CFAP97: variants seen among roughly 807,000 people sequenced by gnomAD.
CFAP97 encodes cilia and flagella associated protein 97, also known as cilia- and flagella-associated protein 97.
CFAP97 carries 36 observed loss-of-function variants against 43.1 expected under a neutral mutation model. The observed-to-expected ratio is 0.84, with a 90% CI of 0.64 to 1.10. The LOEUF (loss-of-function observed/expected upper bound fraction) is 1.10. Ranked by LOEUF, CFAP97 falls within the 50% of genes least tolerant of loss-of-function variation. The probability of loss-of-function intolerance (pLI) is 0.00; values close to 1 mark genes in which losing one functional copy is unlikely to be tolerated. For missense variants in CFAP97, 657 were observed against 620.3 expected (o/e 1.06, Z -0.63); for synonymous variants, 228 against 225.7 (o/e 1.01, Z -0.09).
In CFAP97 at chr4:185,162,706, GGTATTCTAGAT is replaced by G; in HGVS notation, c.*81_*91del. ...GTTGTACACCTTCAATTGCTAAAAC[GGTATTCTAGAT>G]GTTTACACAGAGAATTATAGGAATA... On this transcript the variant is annotated 3_prime_UTR_variant, in exon 5 of 5. Transcript: ENST00000458385. The G allele has an allele frequency of 7.5e-7, 1 of 1,342,108 alleles. No homozygotes were observed. Among genetic ancestry groups the G allele is most frequent in the East Asian group, 2.5e-5 (1 of 40,784 alleles). 83.1% of individuals were successfully genotyped at this position (1,342,108 alleles called of 1,614,324 possible).
chr4:185,206,031 G>C (rs1737174383), upstream of CFAP97, among the ~76,000 whole-genome samples: 1 of 152,196 alleles, frequency 6.6e-6, no homozygotes, highest in African/African-American at 2.4e-5. Flanking sequence ...CAAGAATGTG[G>C]AAAGATCGAA....
upstream of CFAP97, among the ~76,000 whole-genome samples, chr4:185,208,546 G>C (rs542244213): frequency 8.2e-4 from 125 of 151,922 alleles, 1 homozygote; most frequent in African/African-American, 2.9e-3. Context: ...TGGCTAATAT[G>C]GTGAAACCCC....
chr4:185,200,329 C>G (rs559047988), intron 1 of CFAP97, among the ~76,000 whole-genome samples: 1 of 152,260 alleles, frequency 6.6e-6, no homozygotes, highest in South Asian at 2.1e-4. Flanking sequence ...GATCCCGTCT[C>G]TTAAAAGAAA....
upstream of CFAP97, chr4:185,210,165 C>G (rs891291688): frequency 2.0e-6 from 2 of 984,390 alleles, no homozygotes; most frequent in South Asian, 4.7e-5. This position sits in a 1 kb window ranked among gnomAD's most constrained non-coding sequence, Gnocchi z 4.4. Context: ...TGTTTGCCCT[C>G]GTCTGCCGGA....
intron 3 of CFAP97, chr4:185,169,580 A>G (rs2111326358): frequency 1.4e-5 from 14 of 977,332 alleles, no homozygotes; most frequent in African/African-American, 1.7e-5. Flanking sequence ...TTGTCCAAAC[A>G]TTTATTTTAT....
chr4:185,167,628 C>A (rs2111320530), intron 3 of CFAP97, among the ~76,000 whole-genome samples: 1 of 152,224 alleles, frequency 6.6e-6, no homozygotes, highest in East Asian at 1.9e-4. Context: ...AACGAAATAA[C>A]CTCAGAGTCA....
chr4:185,206,236 G>A (rs1009983464), upstream of CFAP97, among the ~76,000 whole-genome samples: 4 of 152,142 alleles, frequency 2.6e-5, no homozygotes, highest in Non-Finnish European at 5.9e-5. Flanking sequence ...GCCAAAAGGC[G>A]GAAAAAACTC....
At chr4:185,199,176 C>A (rs1274712246) in intron 1 of CFAP97, among the ~76,000 whole-genome samples, 1 of 152,066 alleles carries the variant, frequency 6.6e-6, no homozygotes, top group Non-Finnish European at 1.5e-5. Flanking sequence ...AGATGGAGAC[C>A]AGCCTGAGCA....
At chr4:185,197,496 C>T (rs913011586) in intron 1 of CFAP97, among the ~76,000 whole-genome samples, 3 of 151,476 alleles carry the variant, frequency 2.0e-5, no homozygotes, top group African/African-American at 4.9e-5. Context: ...CGCGTGATCT[C>T]GGCTCACCGC....
At chr4:185,166,887 A>C (rs1206395804) in intron 3 of CFAP97, among the ~76,000 whole-genome samples, 1 of 152,248 alleles carries the variant, frequency 6.6e-6, no homozygotes, top group Non-Finnish European at 1.5e-5. Context: ...AACCTTGTCC[A>C]ACCTGTGGCT....
chr4:185,175,885 G>C lies in CFAP97; in HGVS notation c.1221C>G (p.Ser407Arg), dbSNP rs1735502787. ...CAGCCGATCTAGGAATTGTACTTTT[G>C]CTTCCCGGCTTTTCCGCCTGTCTTG... ...ELSRQAEKPG[S>R]KSTIPRSADH... Residue 407 changes from serine (S) to arginine (R), a missense_variant, in exon 3 of 5, where the codon AGC becomes AGG. Ser to Arg is a moderately radical substitution (Grantham distance 110). Transcript: ENST00000458385. 6.2e-7 allele frequency: 1 copy of C among 1,613,868 alleles called. No individual in the cohort carries two copies. Among genetic ancestry groups the C allele is most frequent in the Non-Finnish European group, 8.5e-7 (1 of 1,179,872 alleles).
intron 2 of CFAP97, among the ~76,000 whole-genome samples, chr4:185,176,546 G>T (rs1460495694): frequency 6.6e-6 from 1 of 152,106 alleles, no homozygotes; most frequent in South Asian, 2.1e-4. Context: ...TATGCTCACC[G>T]GGTTCCTTGG....
chr4:185,202,857 C>A (rs1005995060), intron 1 of CFAP97, among the ~76,000 whole-genome samples: 4 of 152,180 alleles, frequency 2.6e-5, no homozygotes, highest in Non-Finnish European at 4.4e-5. Flanking sequence ...AAAATTTACC[C>A]AACAATCCCA....
At position 185,203,033 on chromosome 4, in the gene CFAP97, T is replaced by C. The variant is rs73023805; in HGVS notation, c.-17+865A>G. Among the ~76,000 whole-genome samples, 822 of 152,270 alleles carry C rather than the reference T, an allele frequency of 5.4e-3. 11 individuals are homozygous for C. The highest frequency in any genetic ancestry group is 0.019 in the African/African-American group (770 of 41,560). On this transcript the variant is annotated intron_variant, in intron 1 of 4. Coordinates refer to ENST00000458385, the MANE Select transcript of CFAP97 (RefSeq NM_020827.3). ...TCAGACCATAACAACCCTTTGGTGC[T>C]CAATCAAGACAGAGTTTTGCCAGGA...
chr4:185,172,083 T>C (rs960558503), intron 3 of CFAP97, among the ~76,000 whole-genome samples: 1 of 152,196 alleles, frequency 6.6e-6, no homozygotes, highest in Non-Finnish European at 1.5e-5. Flanking sequence ...ATTACTCCCC[T>C]TTTTACAAGT....
chr4:185,202,868 T>A (rs1015491705), intron 1 of CFAP97, among the ~76,000 whole-genome samples: 1 of 152,200 alleles, frequency 6.6e-6, no homozygotes, highest in African/African-American at 2.4e-5. Flanking sequence ...AACAATCCCA[T>A]CCACTGAGCA....
chr4:185,192,423 A>G (rs1194868792), intron 1 of CFAP97, among the ~76,000 whole-genome samples: 1 of 152,178 alleles, frequency 6.6e-6, no homozygotes, highest in Non-Finnish European at 1.5e-5. Context: ...TGTTCAAAGT[A>G]GTTGCCTTTA....
At chr4:185,198,801 A>T (rs1437842338) in intron 1 of CFAP97, among the ~76,000 whole-genome samples, 2 of 151,956 alleles carry the variant, frequency 1.3e-5, no homozygotes, top group African/African-American at 4.8e-5. Flanking sequence ...AAAAAAAGAC[A>T]AAACAGTACA....
intron 2 of CFAP97, among the ~76,000 whole-genome samples, chr4:185,183,024 C>T (rs1382331654): frequency 2.0e-5 from 3 of 151,536 alleles, no homozygotes; most frequent in Admixed American, 6.6e-5. Flanking sequence ...CACTTGAACC[C>T]GGGAGGTGGA....
Sources: gnomAD v4.1 joint callset for allele counts (sites outside exome capture counted in the v4.1 genomes callset) on GRCh38, gnomAD v4.1.1 for gene constraint, Gnocchi (gnomAD v3.1) non-coding constraint, MANE v1.5 for transcripts, NCBI Gene and HGNC (gene_info 2026-07-23, HGNC 2026-07-21) for gene names.